CDH12: variants seen among roughly 807,000 people sequenced by gnomAD.
The protein encoded by CDH12 is cadherin 12.
CDH12 carries 41 observed loss-of-function variants against 74.1 expected under a neutral mutation model. That is an observed-to-expected ratio of 0.55 (90% CI 0.43 to 0.72). The LOEUF is 0.72. CDH12 is among the 30% of genes least tolerant of loss of function. CDH12 has a pLI of 0.00. For missense variants in CDH12, 945 were observed against 977.2 expected (o/e 0.97, Z 0.44); for synonymous variants, 399 against 355.0 (o/e 1.12, Z -1.39).
At chr5:22,339,320 T>G (rs971072940) in intron 3 of CDH12, among the ~76,000 whole-genome samples, 5 of 152,206 alleles carry the variant, frequency 3.3e-5, no homozygotes, top group Non-Finnish European at 7.3e-5. Context: ...GTGTTTTAAG[T>G]GTTACTTAAA....
At chr5:22,803,884 CA>C (rs1748655186) in intron 1 of CDH12, among the ~76,000 whole-genome samples, 1 of 151,342 alleles carries the variant, frequency 6.6e-6, no homozygotes. Context: ...GGGGTGGCTG[CA>C]AAACAGCAGA....
intron 5 of CDH12, among the ~76,000 whole-genome samples, chr5:22,030,517 A>T (rs1738743284): frequency 6.6e-6 from 1 of 152,218 alleles, no homozygotes; most frequent in Admixed American, 6.5e-5. Flanking sequence ...CTAGTAAGTT[A>T]TGCTGTAAGC....
chr5:22,816,889 A>G (rs1428831418), intron 1 of CDH12, among the ~76,000 whole-genome samples: 1 of 152,190 alleles, frequency 6.6e-6, no homozygotes, highest in Non-Finnish European at 1.5e-5. Context: ...TGCCACATAC[A>G]TAGGAAAGAA....
intron 6 of CDH12, among the ~76,000 whole-genome samples, chr5:21,901,225 GA>G (rs967157222): frequency 6.6e-6 from 1 of 151,848 alleles, no homozygotes; most frequent in African/African-American, 2.4e-5. Context: ...GTTCAATATT[GA>G]AAAAAACATG....
chr5:22,352,279 T>C (rs187998475), intron 3 of CDH12, among the ~76,000 whole-genome samples: 1 of 152,294 alleles, frequency 6.6e-6, no homozygotes, highest in East Asian at 1.9e-4. Flanking sequence ...GTTTTGTTCC[T>C]CAATAATTTG....
chr5:22,061,678 G>T (rs1466167610), intron 5 of CDH12, among the ~76,000 whole-genome samples: 1 of 152,188 alleles, frequency 6.6e-6, no homozygotes, highest in Non-Finnish European at 1.5e-5. Context: ...AGAGAGTACT[G>T]TCTTCCAAGA....
chr5:22,041,494 G>T (rs926978192), intron 5 of CDH12, among the ~76,000 whole-genome samples: 1 of 152,096 alleles, frequency 6.6e-6, no homozygotes, highest in Non-Finnish European at 1.5e-5. Context: ...GGTATTCCAT[G>T]CAAATGATAA....
intron 4 of CDH12, among the ~76,000 whole-genome samples, chr5:22,114,414 A>G (rs1252207000): frequency 6.6e-6 from 1 of 152,040 alleles, no homozygotes; most frequent in African/African-American, 2.4e-5. Context: ...ATTCCTTTAG[A>G]GTTCTGGACA....
chr5:22,740,724 A>G (rs1744987247), intron 1 of CDH12, among the ~76,000 whole-genome samples: 1 of 152,094 alleles, frequency 6.6e-6, no homozygotes, highest in African/African-American at 2.4e-5. Flanking sequence ...TTAAAACTTA[A>G]TCTCCCTGAA....
intron 1 of CDH12, among the ~76,000 whole-genome samples, chr5:22,756,392 T>G (rs1490678990): frequency 6.6e-6 from 1 of 152,136 alleles, no homozygotes; most frequent in Non-Finnish European, 1.5e-5. Flanking sequence ...TAAAAAATAT[T>G]TCATATAAAC....
At chr5:21,964,929 T>C (rs1756516636) in intron 6 of CDH12, among the ~76,000 whole-genome samples, 2 of 151,926 alleles carry the variant, frequency 1.3e-5, no homozygotes, top group Non-Finnish European at 2.9e-5. Flanking sequence ...TTACATGACC[T>C]GGTAAAATTT....
chr5:22,062,203 C>A (rs1053400749), intron 5 of CDH12, among the ~76,000 whole-genome samples: 1 of 152,062 alleles, frequency 6.6e-6, no homozygotes, highest in Non-Finnish European at 1.5e-5. Flanking sequence ...ACACATTGAA[C>A]CTTTATGGCA....
rs12054926 is a variant in CDH12 at position 21,888,828 on chromosome 5, C to T, written c.527-34038G>A. Among the ~76,000 whole-genome samples, 1,073 of 151,806 alleles carry T rather than the reference C, an allele frequency of 7.1e-3. 28 individuals carry two copies. In the East Asian group the frequency reaches 0.099, roughly 14 times the overall value. ...TTATTGATGTGCTTTTAATACATAC[C>T]TATTTTATGAAATAAATGATTATAC... is the stretch of plus-strand genomic sequence containing the variant. On this transcript the variant is annotated intron_variant, in intron 6 of 14. Transcript: ENST00000382254.
intron 3 of CDH12, among the ~76,000 whole-genome samples, chr5:22,349,364 T>C (rs1217940592): frequency 6.6e-6 from 1 of 152,208 alleles, no homozygotes; most frequent in Non-Finnish European, 1.5e-5. Context: ...AAGCAGATTA[T>C]ACCTAAATTT....
At chr5:22,129,145 T>C (rs1746040708) in intron 4 of CDH12, among the ~76,000 whole-genome samples, 1 of 152,158 alleles carries the variant, frequency 6.6e-6, no homozygotes, top group South Asian at 2.1e-4. Context: ...ATAAATTAAA[T>C]GTAGGATAAT....
At chr5:22,373,928 A>G (rs1741406647) in intron 3 of CDH12, among the ~76,000 whole-genome samples, 1 of 152,214 alleles carries the variant, frequency 6.6e-6, no homozygotes, top group Non-Finnish European at 1.5e-5. Context: ...GTAATGCTCC[A>G]ATAACAGATT....
intron 3 of CDH12, among the ~76,000 whole-genome samples, chr5:22,226,045 C>T (rs1752183321): frequency 6.6e-6 from 1 of 151,998 alleles, no homozygotes; most frequent in African/African-American, 2.4e-5. Context: ...AAGCTAGACG[C>T]CCCCTTTAGC....
chr5:22,014,124 G>A (rs1282091433), intron 5 of CDH12, among the ~76,000 whole-genome samples: 6 of 152,164 alleles, frequency 3.9e-5, no homozygotes, highest in African/African-American at 1.4e-4. Context: ...CTACTTGGGA[G>A]GCTGAAGAAG....
intron 3 of CDH12, among the ~76,000 whole-genome samples, chr5:22,358,102 A>G (rs542172455): frequency 3.1e-4 from 47 of 152,186 alleles, no homozygotes; most frequent in Non-Finnish European, 5.0e-4. Context: ...CATCGATGAC[A>G]TTTCCTTAAA....
Sources: gnomAD v4.1 joint callset for allele counts (sites outside exome capture counted in the v4.1 genomes callset) on GRCh38, gnomAD v4.1.1 for gene constraint, MANE v1.5 for transcripts, NCBI Gene and HGNC (gene_info 2026-07-23, HGNC 2026-07-21) for gene names.